The following PRPS2 variants were observed in gnomAD, a reference collection of about 807,000 sequenced individuals.
The protein encoded by PRPS2 is ribose-phosphate pyrophosphokinase 2.
For synonymous variants in PRPS2, 111 were observed against 115.3 expected (o/e 0.96, Z 0.24); for missense variants, 104 against 271.5 (o/e 0.38, Z 4.34).
chrX:12,808,440 CAT>C (rs1217867136), intron 2 of PRPS2, among the ~76,000 whole-genome samples: 2 of 111,386 alleles, frequency 1.8e-5, no homozygotes, highest in Admixed American at 9.5e-5. Flanking sequence ...TAGGTCTAAT[CAT>C]GTGTCTATAT....
chrX:12,819,755 C>A, intron 5 of PRPS2, 75 bp downstream of exon 5: 1 of 1,081,799 alleles, frequency 9.2e-7, no homozygotes, highest in South Asian at 2.4e-5. Context: ...AGAAATTGGG[C>A]TCTTTTTTCC....
At chrX:12,818,695 T>C (rs775558335) in intron 4 of PRPS2, among the ~76,000 whole-genome samples, 1 of 112,006 alleles carries the variant, frequency 8.9e-6, no homozygotes, top group South Asian at 3.7e-4. Flanking sequence ...TTTTAAAAAC[T>C]GGAAAAGGAA....
At chrX:12,820,609 C>G in intron 5 of PRPS2, 35 bp from the exon 6 acceptor site, 1 of 1,181,232 alleles carries the variant, frequency 8.5e-7, no homozygotes, top group Non-Finnish European at 1.1e-6. Context: ...AGAATATTTG[C>G]ATACCCTTAA....
intron 3 of PRPS2, 52 bp from the exon 4 acceptor site, chrX:12,809,969 AG>A: frequency 1.2e-6 from 1 of 866,096 alleles, no homozygotes; most frequent in African/African-American, 3.9e-5. Flanking sequence ...AAAAAACAAA[AG>A]AAAACAAAAC....
rs1017900699 is a variant in PRPS2, at chrX:12,819,755, C to T, written c.704+75C>T. 1.1e-5 allele frequency: 12 copies of T among 1,080,419 alleles called. No individual in the cohort carries two copies. In the African/African-American group the frequency reaches 2.0e-4, roughly 18 times the overall value. 89.0% of individuals were successfully genotyped at this position (1,080,419 alleles called of 1,213,427 possible). A position where few individuals can be genotyped will look rare whatever the true frequency, so the allele number is the denominator to read the frequency against. On this transcript the variant is annotated intron_variant, in intron 5 of 6. Transcript: ENST00000380668. The stretch of plus-strand genomic sequence containing the variant: ...AACACATCAGCTTTTAGAAATTGGG[C>T]TCTTTTTTCCTGATTATTGCCGGTC...
At position 12,810,158 on chromosome X, in the gene PRPS2, G is replaced by T; in HGVS notation, c.530+12G>T. 1 of 1,207,467 alleles carries T rather than the reference G, an allele frequency of 8.3e-7. No individual in the cohort carries two copies. The highest frequency in any genetic ancestry group is 1.1e-6 in the Non-Finnish European group (1 of 893,853). On this transcript the variant is annotated intron_variant, in intron 4 of 6. Transcript: ENST00000380668. ...GGGGGAGCCAAAAGGTATCATGCAGGCTACACCTTGCAGATTTCTCCATCT... is the reference window on the plus strand; with the variant it reads ...GGGGGAGCCAAAAGGTATCATGCAGTCTACACCTTGCAGATTTCTCCATCT...
At position 12,791,496 on chromosome X, in the gene PRPS2, C is replaced by G. The variant is rs1223753345; in HGVS notation, c.-2C>G. 1 of 1,201,728 alleles carries G rather than the reference C, an allele frequency of 8.3e-7. No homozygotes were observed. The highest frequency in any genetic ancestry group is 1.1e-6 in the Non-Finnish European group (1 of 891,089). On this transcript the variant is annotated 5_prime_UTR_variant, in exon 1 of 7. Coordinates refer to ENST00000380668, the MANE Select transcript of PRPS2 (RefSeq NM_002765.5). ...GCGCCCCTCGGAGTTCCGCGCCCCA[C>G]CATGCCCAACATCGTGCTGTTCAGC...
At chrX:12,809,593 C>T (rs1052406970) in intron 3 of PRPS2, among the ~76,000 whole-genome samples, 2 of 111,543 alleles carry the variant, frequency 1.8e-5, no homozygotes, top group Admixed American at 9.5e-5. Flanking sequence ...ATAATTAGAA[C>T]GGCAGTCATA....
At chrX:12,797,014 C>T (rs1302526835) in intron 1 of PRPS2, among the ~76,000 whole-genome samples, 1 of 109,777 alleles carries the variant, frequency 9.1e-6, no homozygotes, top group African/African-American at 3.3e-5. Context: ...TTCAGAATTT[C>T]GGATTAGGGT....
intron 2 of PRPS2, among the ~76,000 whole-genome samples, chrX:12,801,275 C>T (rs1410584710): frequency 1.2e-5 from 1 of 80,469 alleles, no homozygotes; most frequent in Non-Finnish European, 2.4e-5. Flanking sequence ...TGTTTATGAT[C>T]TAAACTTGAC....
chrX:12,808,371 C>A, intron 2 of PRPS2, among the ~76,000 whole-genome samples: 1 of 104,356 alleles, frequency 9.6e-6, no homozygotes, highest in South Asian at 4.4e-4. Context: ...CTTTTATTTT[C>A]TTTTTTGTGG....
intron 2 of PRPS2, among the ~76,000 whole-genome samples, chrX:12,807,863 A>G (rs1386099920): frequency 5.3e-5 from 4 of 75,789 alleles, no homozygotes; most frequent in Non-Finnish European, 2.4e-5. Context: ...ATACATGCAT[A>G]CCTTTTTTTT....
chrX:12,803,176 C>T (rs1406455465), intron 2 of PRPS2, among the ~76,000 whole-genome samples: 1 of 112,327 alleles, frequency 8.9e-6, no homozygotes, highest in African/African-American at 3.2e-5. Context: ...CCTTCCTTGC[C>T]TCTTCTAGCT....
At chrX:12,812,508 T>A (rs1233373922) in intron 4 of PRPS2, among the ~76,000 whole-genome samples, 5 of 111,324 alleles carry the variant, frequency 4.5e-5, no homozygotes, top group African/African-American at 1.6e-4. Flanking sequence ...ACGCCTGTAA[T>A]TCCAGCTATT....
At chrX:12,820,249 G>C (rs1478174867) in intron 5 of PRPS2, among the ~76,000 whole-genome samples, 1 of 112,309 alleles carries the variant, frequency 8.9e-6, no homozygotes, top group Non-Finnish European at 1.9e-5. Flanking sequence ...GGCTATATTG[G>C]TTTAAACAGG....
chrX:12,809,917 C>CA (rs1261057124), intron 3 of PRPS2, 105 bp from the exon 4 acceptor site: 10 of 1,033,285 alleles, frequency 9.7e-6, no homozygotes, highest in Non-Finnish European at 1.1e-5. Context: ...TTCTTTTGAA[C>CA]AAAAAATGCA....
intron 2 of PRPS2, among the ~76,000 whole-genome samples, chrX:12,807,262 GA>G (rs1165187524): frequency 9.0e-6 from 1 of 111,650 alleles, no homozygotes; most frequent in Non-Finnish European, 1.9e-5. Context: ...AATGCTGCCT[GA>G]AGCCTCCTTT....
chrX:12,798,106 T>G (rs1315091202), intron 1 of PRPS2, among the ~76,000 whole-genome samples: 1 of 111,663 alleles, frequency 9.0e-6, no homozygotes, highest in African/African-American at 3.3e-5. Flanking sequence ...TTGGGAGATT[T>G]TGATTGTTAG....
intron 4 of PRPS2, among the ~76,000 whole-genome samples, chrX:12,815,679 A>C (rs1453264402): frequency 9.0e-6 from 1 of 111,372 alleles, no homozygotes; most frequent in East Asian, 2.8e-4. Flanking sequence ...AGTCTCGCTC[A>C]GTCGCCCAGG....
Sources: allele counts gnomAD v4.1 joint callset (sites outside exome capture counted in the v4.1 genomes callset), GRCh38; gene constraint gnomAD v4.1.1; transcripts MANE v1.5; gene names NCBI Gene and HGNC (gene_info 2026-07-23, HGNC 2026-07-21).